The following POM121C variants were observed in gnomAD, a reference collection of about 807,000 sequenced individuals.
POM121C encodes the protein nuclear envelope pore membrane protein POM 121C.
In POM121C, 20 loss-of-function variants were observed where a neutral mutation model predicts 66.4. The ratio of observed to expected loss-of-function variants is 0.30; its 90% CI spans 0.21 to 0.44. POM121C has a LOEUF of 0.44. Among genes scored for constraint, POM121C ranks in the 20% least tolerant of loss-of-function variants. The pLI is 1.00. For synonymous variants in POM121C, 286 were observed against 528.0 expected (o/e 0.54, Z 6.28); for missense variants, 580 against 1,225.7 (o/e 0.47, Z 7.87).
chr7:75,477,964 G>A (rs1257074164), intron 1 of POM121C, among the ~76,000 whole-genome samples: 1 of 151,990 alleles, frequency 6.6e-6, no homozygotes, highest in African/African-American at 2.4e-5. Context: ...TTTTGTTTTT[G>A]TTTTTGTTTT....
chr7:75,419,449 TGAAGA>T lies in POM121C; in HGVS notation c.2744-12_2744-8del, dbSNP rs782019676. On this transcript the variant is annotated splice_region_variant and splice_polypyrimidine_tract_variant and intron_variant, in intron 13 of 14. Transcript: ENST00000615331. The stretch of plus-strand genomic sequence containing the variant: ...AAGGTGGGGGTGGCGGTGCCTGGAA[TGAAGA>T]GAACAGAGAGCTAGCCAGTGAGCAG... The T allele has an allele frequency of 8.1e-6, 13 of 1,612,848 alleles. No homozygotes were observed. Among genetic ancestry groups the T allele is most frequent in the Non-Finnish European group, 3.4e-6 (4 of 1,179,568 alleles).
In POM121C at chr7:75,419,372, GGA is replaced by G. The variant is rs782045729; in HGVS notation, c.2812_2813del (p.Ser938LeufsTer128). The part of the protein sequence containing the change: ...PGVGTSGSSL[S>X]FGASSAPAQG... ...GGGCGGGTGCTGAAGATGCCCCAAA[GGA>G]GAGGCTGCTGCCCGATGTGCCCACT... On this transcript the variant is annotated frameshift_variant, in exon 14 of 15. Coordinates refer to ENST00000615331, the MANE Select transcript of POM121C (RefSeq NM_001099415.3). LOFTEE classifies it high-confidence loss of function. 4 of 1,613,798 alleles carry G rather than the reference GGA, an allele frequency of 2.5e-6. No homozygotes were observed.
At chr7:75,428,541 A>G (rs868920108) in intron 7 of POM121C, among the ~76,000 whole-genome samples, 3 of 152,200 alleles carry the variant, frequency 2.0e-5, no homozygotes, top group African/African-American at 7.2e-5. Flanking sequence ...TGAGCCCAGG[A>G]GTTTCAGACC....
At chr7:75,449,495 G>C (rs1790948014) in intron 3 of POM121C, among the ~76,000 whole-genome samples, 1 of 151,870 alleles carries the variant, frequency 6.6e-6, no homozygotes, top group Admixed American at 6.6e-5. Context: ...CTCCCGAGTA[G>C]CTGAGACTAT....
chr7:75,423,826 G>C (rs1359817862), intron 12 of POM121C, among the ~76,000 whole-genome samples: 6 of 152,168 alleles, frequency 3.9e-5, no homozygotes, highest in African/African-American at 1.4e-4. Flanking sequence ...GCTCAGGGCA[G>C]CTAAGCCAGG....
chr7:75,482,181 C>T (rs1316238530), intron 1 of POM121C, among the ~76,000 whole-genome samples: 1 of 152,076 alleles, frequency 6.6e-6, no homozygotes, highest in Non-Finnish European at 1.5e-5. Flanking sequence ...AAACAATGAG[C>T]ACGCAGGAGA....
At chr7:75,476,606 C>T (rs1425114393) in intron 1 of POM121C, among the ~76,000 whole-genome samples, 10 of 152,014 alleles carry the variant, frequency 6.6e-5, no homozygotes, top group Middle Eastern at 3.4e-3. Flanking sequence ...GCCAAAGGAG[C>T]TGATAAAATC....
At chr7:75,431,843 T>C (rs1398389567) in intron 7 of POM121C, among the ~76,000 whole-genome samples, 2 of 151,902 alleles carry the variant, frequency 1.3e-5, no homozygotes, top group Non-Finnish European at 2.9e-5. Context: ...TCTCAGCTAT[T>C]TGGGAGGCTG....
Position 75,418,691 on chromosome 7 carries a change from G to A in POM121C, c.*105C>T. ...CTGGCGGCTGAAGCCAGAGATCCGG[G>A]GTAGGTTTGCTTTACGCAGCTGGAA... On this transcript the variant is annotated 3_prime_UTR_variant, in exon 15 of 15. Transcript: ENST00000615331. 1.4e-6 allele frequency: 2 copies of A among 1,395,454 alleles called. No homozygotes were observed. Among genetic ancestry groups the A allele is most frequent in the Non-Finnish European group, 1.9e-6 (2 of 1,063,092 alleles). 86.4% of individuals were successfully genotyped at this position (1,395,454 alleles called of 1,614,324 possible).
At chr7:75,441,970 CA>C (rs1790666137) in intron 3 of POM121C, among the ~76,000 whole-genome samples, 19 of 11,286 alleles carry the variant, frequency 1.7e-3, no homozygotes, top group Non-Finnish European at 5.2e-3. Flanking sequence ...CATCTCACAC[CA>C]AGCAAGAGTC....
At chr7:75,421,219 A>C in intron 13 of POM121C, 1 of 850,688 alleles carries the variant, frequency 1.2e-6, no homozygotes, top group South Asian at 1.8e-5. Context: ...CAAGTGATCC[A>C]CCCTCCTTGG....
Position 75,465,476 on chromosome 7 carries a change from C to G in POM121C, c.-152+9228G>C, listed in dbSNP as rs587706361. ...AATAAAAAAGTAGCCTGAGTCCGGC[C>G]TGGCACAGTGGCTCACACCTGTAAT... On this transcript the variant is annotated intron_variant, in intron 3 of 14. Transcript: ENST00000615331. Among the ~76,000 whole-genome samples, 463 of 151,570 alleles carry G rather than the reference C, an allele frequency of 3.1e-3. 3 individuals are homozygous for G. The highest frequency in any genetic ancestry group is 3.1e-3 in the Non-Finnish European group (208 of 67,868).
At chr7:75,423,982 C>A (rs1417230095) in intron 12 of POM121C, 67 bp downstream of exon 12, 6 of 1,554,930 alleles carry the variant, frequency 3.9e-6, no homozygotes, top group African/African-American at 2.7e-5. Context: ...AGGCACGACG[C>A]CCTTATTCCA....
chr7:75,454,048 C>T (rs1434056182), intron 3 of POM121C, among the ~76,000 whole-genome samples: 6 of 152,332 alleles, frequency 3.9e-5, no homozygotes, highest in South Asian at 4.1e-4. Context: ...CTCATAGCGT[C>T]GCTTCTGTCC....
At position 75,473,588 on chromosome 7, in the gene POM121C, A is replaced by T. The variant is rs587604577; in HGVS notation, c.-152+1116T>A. The stretch of plus-strand genomic sequence containing the variant: ...ACAAGCTGTGACTCAATTCACAAGC[A>T]CAGGTGGAGGACGAGGTTTTGGTAT... On this transcript the variant is annotated intron_variant, in intron 3 of 14. Transcript: ENST00000615331. 1.4e-4 allele frequency among the ~76,000 whole-genome samples: 21 copies of T among 152,364 alleles called. 1 individual carries two copies. In the South Asian group the frequency reaches 3.1e-3, roughly 23 times the overall value.
At chr7:75,448,449 T>A (rs1194411147) in intron 3 of POM121C, among the ~76,000 whole-genome samples, 1 of 127,382 alleles carries the variant, frequency 7.9e-6, no homozygotes, top group Non-Finnish European at 1.6e-5. Context: ...AGGACTGATA[T>A]CAGCAAAAGG....
chr7:75,441,058 T>C lies in POM121C; in HGVS notation c.123A>G (p.Pro41=). The change falls in exon 5 of 15, where the codon CCA becomes CCG. Residue 41 remains proline (P), a synonymous_variant. Coordinates refer to ENST00000615331, the MANE Select transcript of POM121C (RefSeq NM_001099415.3). ...LSSPSSNAPD[P]CAKETVLSAL... is the part of the protein sequence containing the mutation. ...CACTCAGTACAGTCTCCTTTGCACA[T>C]GGGTCTGGGGCATTACTTGATGGTG... is the stretch of plus-strand genomic sequence containing the variant. The C allele has an allele frequency of 6.2e-7, 1 of 1,613,974 alleles. No homozygotes were observed. The highest frequency in any genetic ancestry group is 2.2e-5 in the East Asian group (1 of 44,888).
intron 3 of POM121C, among the ~76,000 whole-genome samples, chr7:75,455,209 C>T (rs1182695924): frequency 6.6e-6 from 1 of 152,236 alleles, no homozygotes; most frequent in Non-Finnish European, 1.5e-5. Flanking sequence ...GACACGGACA[C>T]TGAATTACCC....
At chr7:75,424,820 C>T (rs587763227) in intron 10 of POM121C, 192 bp from the exon 11 acceptor site, 25 of 1,190,080 alleles carry the variant, frequency 2.1e-5, no homozygotes, top group South Asian at 6.2e-5. Flanking sequence ...ATTAGTCAGG[C>T]GTGGTAGCAA....
Sources: allele counts gnomAD v4.1 joint callset (sites outside exome capture counted in the v4.1 genomes callset), GRCh38; gene constraint gnomAD v4.1.1; transcripts MANE v1.5; gene names NCBI Gene and HGNC (gene_info 2026-07-23, HGNC 2026-07-21).